Variants in ANKRD13C observed in about 807,000 individuals in gnomAD.
ANKRD13C encodes the protein ankyrin repeat domain-containing protein 13C.
In ANKRD13C, 16 loss-of-function variants were observed where a neutral mutation model predicts 65.5. The observed-to-expected ratio is 0.24, with a 90% CI of 0.17 to 0.37. The LOEUF (loss-of-function observed/expected upper bound fraction) is 0.37. ANKRD13C is among the 10% of genes least tolerant of loss of function. ANKRD13C has a pLI of 1.00. For synonymous variants in ANKRD13C, 235 were observed against 238.7 expected (o/e 0.98, Z 0.14); for missense variants, 503 against 655.9 (o/e 0.77, Z 2.55).
chr1:70,282,142 C>T (rs182797521), intron 9 of ANKRD13C, among the ~76,000 whole-genome samples: 94 of 149,586 alleles, frequency 6.3e-4, no homozygotes, highest in African/African-American at 2.3e-3. Flanking sequence ...GCAAGCTCTG[C>T]CTCCCAGGTT....
chr1:70,343,151 C>CT (rs1169252360), intron 1 of ANKRD13C, among the ~76,000 whole-genome samples: 1 of 152,176 alleles, frequency 6.6e-6, no homozygotes, highest in Non-Finnish European at 1.5e-5. Context: ...TTCAATCCCT[C>CT]TTTTTAAAGA....
chr1:70,325,232 ATT>A (rs1409316600), intron 2 of ANKRD13C, among the ~76,000 whole-genome samples: 1 of 152,088 alleles, frequency 6.6e-6, no homozygotes, highest in African/African-American at 2.4e-5. Flanking sequence ...TTCCAAGAGT[ATT>A]TTTTTAATGT....
chr1:70,289,124 G>A (rs1002280587), intron 9 of ANKRD13C, among the ~76,000 whole-genome samples: 1 of 152,124 alleles, frequency 6.6e-6, no homozygotes, highest in Non-Finnish European at 1.5e-5. Flanking sequence ...AAATCCTATG[G>A]TTTATATGGG....
At chr1:70,275,055 C>T (rs527521988) in intron 10 of ANKRD13C, among the ~76,000 whole-genome samples, 1 of 152,178 alleles carries the variant, frequency 6.6e-6, no homozygotes, top group South Asian at 2.1e-4. Context: ...ACTAATTTCA[C>T]ATTGAATATA....
At chr1:70,338,309 T>A (rs1682147347) in intron 1 of ANKRD13C, among the ~76,000 whole-genome samples, 1 of 152,206 alleles carries the variant, frequency 6.6e-6, no homozygotes, top group South Asian at 2.1e-4. Flanking sequence ...CAAGTGAATT[T>A]TCCGCATTAG....
At chr1:70,294,107 C>G (rs941651612) in intron 8 of ANKRD13C, among the ~76,000 whole-genome samples, 2 of 152,048 alleles carry the variant, frequency 1.3e-5, no homozygotes, top group African/African-American at 4.8e-5. Context: ...GAGAAGATTT[C>G]TACGACATAC....
At chr1:70,344,764 A>C (rs1437966693) in intron 1 of ANKRD13C, among the ~76,000 whole-genome samples, 1 of 152,096 alleles carries the variant, frequency 6.6e-6, no homozygotes, top group African/African-American at 2.4e-5. Flanking sequence ...TTATACTTCT[A>C]AAAATTATTA....
At chr1:70,326,572 T>C (rs1293459021) in intron 2 of ANKRD13C, among the ~76,000 whole-genome samples, 1 of 152,128 alleles carries the variant, frequency 6.6e-6, no homozygotes, top group Non-Finnish European at 1.5e-5. Flanking sequence ...CAGGGAACTT[T>C]ATCACAATAA....
chr1:70,270,123 C>A (rs143604527), intron 12 of ANKRD13C, among the ~76,000 whole-genome samples: 65 of 152,260 alleles, frequency 4.3e-4, no homozygotes, highest in African/African-American at 1.3e-3. Context: ...AAAAATAAAA[C>A]GTATGAGTAT....
intron 9 of ANKRD13C, among the ~76,000 whole-genome samples, chr1:70,283,734 G>A (rs1679502164): frequency 6.6e-6 from 1 of 152,020 alleles, no homozygotes; most frequent in Non-Finnish European, 1.5e-5. Flanking sequence ...CTTGGAGCCG[G>A]GAGACGGAGG....
At chr1:70,353,754 G>A (rs988441055) in intron 1 of ANKRD13C, among the ~76,000 whole-genome samples, 6 of 152,138 alleles carry the variant, frequency 3.9e-5, no homozygotes, top group Non-Finnish European at 8.8e-5. Flanking sequence ...AGCTTCTCAC[G>A]ACAAACTTTG....
At chr1:70,335,349 T>C (rs1018297814) in intron 2 of ANKRD13C, among the ~76,000 whole-genome samples, 1 of 150,230 alleles carries the variant, frequency 6.7e-6, no homozygotes, top group East Asian at 1.9e-4. Context: ...GAGGTTGCAG[T>C]GAGCTAAGAC....
chr1:70,300,640 G>T, intron 7 of ANKRD13C, 124 bp downstream of exon 7: 1 of 872,308 alleles, frequency 1.1e-6, no homozygotes, highest in Non-Finnish European at 1.6e-6. Flanking sequence ...GGAAACTATA[G>T]CTTTAGGAAC....
At chr1:70,324,441 C>T (rs1681446444) in intron 3 of ANKRD13C, among the ~76,000 whole-genome samples, 1 of 152,184 alleles carries the variant, frequency 6.6e-6, no homozygotes, top group Non-Finnish European at 1.5e-5. Context: ...TTCTTCCTTG[C>T]TTCCAGCAAA....
intron 12 of ANKRD13C, among the ~76,000 whole-genome samples, chr1:70,265,114 A>T (rs991219365): frequency 3.3e-5 from 5 of 152,218 alleles, no homozygotes; most frequent in Non-Finnish European, 7.3e-5. Flanking sequence ...AGGCCAAAAA[A>T]AAGACCAGCT....
chr1:70,353,265 A>C (rs1195771806), intron 1 of ANKRD13C, among the ~76,000 whole-genome samples: 1 of 152,246 alleles, frequency 6.6e-6, no homozygotes, highest in Non-Finnish European at 1.5e-5. Context: ...GTCAATATTG[A>C]CTAAGATAAA....
chr1:70,347,554 C>T (rs575150164), intron 1 of ANKRD13C, among the ~76,000 whole-genome samples: 2 of 152,220 alleles, frequency 1.3e-5, no homozygotes, highest in South Asian at 4.2e-4. Context: ...CCTATTGCAG[C>T]CCAGTGCAGA....
intron 7 of ANKRD13C, 54 bp downstream of exon 7, chr1:70,300,710 C>A: frequency 6.8e-7 from 1 of 1,464,752 alleles, no homozygotes; most frequent in South Asian, 1.5e-5. Context: ...TTGCTAAAAA[C>A]CTATACTTTT....
intron 9 of ANKRD13C, among the ~76,000 whole-genome samples, chr1:70,288,830 C>T (rs1478995778): frequency 1.3e-5 from 2 of 152,024 alleles, no homozygotes; most frequent in Non-Finnish European, 1.5e-5. Context: ...ACTACAAATG[C>T]CAATATCCTC....
Sources: allele counts gnomAD v4.1 joint callset (sites outside exome capture counted in the v4.1 genomes callset), GRCh38; gene constraint gnomAD v4.1.1; transcripts MANE v1.5; gene names NCBI Gene and HGNC (gene_info 2026-07-23, HGNC 2026-07-21).